The following WDR27 variants were observed in gnomAD, a reference collection of about 807,000 sequenced individuals.
The protein encoded by WDR27 is WD repeat-containing protein 27.
A neutral mutation model predicts 114.4 loss-of-function variants in WDR27; 100 were observed. The observed-to-expected ratio is 0.87, with a 90% CI of 0.74 to 1.03. The LOEUF (loss-of-function observed/expected upper bound fraction) is 1.03, where lower values mean the gene tolerates loss of function less well. WDR27 is among the 50% of genes least tolerant of loss of function. The pLI is 0.00. For missense variants in WDR27, 1,129 were observed against 1,092.9 expected (o/e 1.03, Z -0.47); for synonymous variants, 449 against 423.1 (o/e 1.06, Z -0.75).
intron 23 of WDR27, among the ~76,000 whole-genome samples, chr6:169,583,299 T>A (rs1443315836): frequency 1.8e-5 from 2 of 113,876 alleles, no homozygotes; most frequent in East Asian, 6.5e-4. Context: ...CCAAATTGAA[T>A]GGAAAAAAAA....
At chr6:169,536,642 C>T (rs1796227458) in intron 25 of WDR27, among the ~76,000 whole-genome samples, 1 of 152,112 alleles carries the variant, frequency 6.6e-6, no homozygotes, top group Non-Finnish European at 1.5e-5. Context: ...GCTCTTTAAG[C>T]CAAGAAGTTT....
At chr6:169,693,779 C>T (rs1399229699) in intron 1 of WDR27, among the ~76,000 whole-genome samples, 1 of 150,876 alleles carries the variant, frequency 6.6e-6, no homozygotes, top group African/African-American at 2.4e-5. Flanking sequence ...AGGATTAGTC[C>T]AATAGGAAAA....
rs1246454711 is a variant in WDR27 at position 169,647,852 on chromosome 6, C to G, written c.1578G>C (p.Glu526Asp). The G allele has an allele frequency of 6.4e-7, 1 of 1,571,146 alleles. No homozygotes were observed. Among genetic ancestry groups the G allele is most frequent in the Admixed American group, 1.9e-5 (1 of 53,266 alleles). ...GGCCGGGCTTGGTGGGCACAGCGCA[C>G]TCCACGGGGTATGCCTCCCTGAGGG... The part of the protein sequence containing the change: ...SSCAREAYPV[E>D]CAVPTKPGPQ... Residue 526 changes from glutamate to aspartate, a missense_variant, in exon 16 of 26, where the codon GAG becomes GAC. Glu to Asp is a conservative substitution (Grantham distance 45). Transcript: ENST00000448612.
intron 2 of WDR27, among the ~76,000 whole-genome samples, chr6:169,682,715 T>C (rs1175296631): frequency 6.6e-6 from 1 of 152,046 alleles, no homozygotes; most frequent in Non-Finnish European, 1.5e-5. Flanking sequence ...TATGACCCCA[T>C]CAAACAGACA....
intron 25 of WDR27, among the ~76,000 whole-genome samples, chr6:169,542,735 G>C (rs933866164): frequency 1.1e-4 from 17 of 151,932 alleles, no homozygotes; most frequent in Middle Eastern, 6.8e-3. Flanking sequence ...GGCATAAAGG[G>C]AATCATATTT....
chr6:169,664,584 C>T (rs1827254266), intron 7 of WDR27: 2 of 1,268,492 alleles, frequency 1.6e-6, no homozygotes, highest in Non-Finnish European at 1.0e-6. Flanking sequence ...GCCCCAGGCT[C>T]TCTGCACACA....
chr6:169,636,622 A>G, intron 18 of WDR27, 118 bp from the exon 19 acceptor site: 3 of 1,061,920 alleles, frequency 2.8e-6, no homozygotes, highest in Non-Finnish European at 2.6e-6. Context: ...AAATGTGTAC[A>G]TAAACTTTGT....
chr6:169,509,139 CAAAT>C (rs1351695692), intron 25 of WDR27, among the ~76,000 whole-genome samples: 1 of 152,144 alleles, frequency 6.6e-6, no homozygotes, highest in Non-Finnish European at 1.5e-5. Flanking sequence ...AGGATACAAA[CAAAT>C]GGAAGAACAT....
intron 25 of WDR27, chr6:169,558,606 T>A (rs1325959300): frequency 6.6e-6 from 1 of 152,078 alleles, no homozygotes. Flanking sequence ...GACGAGTCTC[T>A]GCAGTGTGCC....
At chr6:169,694,035 C>T (rs531038652) in intron 1 of WDR27, among the ~76,000 whole-genome samples, 14 of 152,246 alleles carry the variant, frequency 9.2e-5, no homozygotes, top group East Asian at 5.8e-4. Context: ...TCATGCCGGG[C>T]GCAGTGGCTC....
intron 9 of WDR27, 127 bp from the exon 10 acceptor site, chr6:169,660,893 G>T: frequency 2.6e-6 from 2 of 759,918 alleles, no homozygotes; most frequent in Non-Finnish European, 4.1e-6. Context: ...TGGGCCCCAC[G>T]TGCGCCCCCT....
intron 21 of WDR27, among the ~76,000 whole-genome samples, chr6:169,622,777 T>G (rs912542716): frequency 1.3e-5 from 2 of 152,202 alleles, no homozygotes; most frequent in Non-Finnish European, 2.9e-5. Context: ...ATTGCAAAAT[T>G]ACAACTGAGA....
chr6:169,499,366 G>C (rs1012262137), intron 25 of WDR27, among the ~76,000 whole-genome samples: 1 of 152,234 alleles, frequency 6.6e-6, no homozygotes. Context: ...TGTGATGACA[G>C]CATCTGGATG....
At chr6:169,483,595 C>T (rs961100872) in intron 25 of WDR27, among the ~76,000 whole-genome samples, 10 of 152,072 alleles carry the variant, frequency 6.6e-5, no homozygotes, top group Admixed American at 6.6e-4. Context: ...GAGCTGGTAC[C>T]ATTCCTACTA....
At chr6:169,701,499 T>C (rs1788041159) in intron 1 of WDR27, 52 bp downstream of exon 1, 1 of 152,640 alleles carries the variant, frequency 6.6e-6, no homozygotes, top group Non-Finnish European at 1.5e-5. Flanking sequence ...CTGAATCTTT[T>C]AAAGAGATCT....
At chr6:169,667,330 T>A in intron 5 of WDR27, 143 bp from the exon 6 acceptor site, 1 of 1,238,472 alleles carries the variant, frequency 8.1e-7, no homozygotes, top group Non-Finnish European at 1.0e-6. Flanking sequence ...AGCACAAAAA[T>A]AATAAAAATG....
chr6:169,600,404 C>T (rs777485320), intron 23 of WDR27, among the ~76,000 whole-genome samples: 3 of 152,158 alleles, frequency 2.0e-5, no homozygotes, highest in Admixed American at 6.6e-5. Flanking sequence ...AAAATCAGAG[C>T]ACCACTCCTC....
At chr6:169,607,893 T>C (rs1410004061) in intron 22 of WDR27, among the ~76,000 whole-genome samples, 1 of 152,204 alleles carries the variant, frequency 6.6e-6, no homozygotes, top group African/African-American at 2.4e-5. Context: ...ATGCCGGGGA[T>C]ACATTCCAAG....
rs572759346 is a variant in WDR27 at position 169,659,465 on chromosome 6, T to C, written c.1183A>G (p.Thr395Ala). ...TCAGGACTGACCTTTTGATCCGCAG[T>C]GCGGTTCCTCAGGGCACACGATCCG... The part of the protein sequence containing the change: ...LAGSCALRNR[T>A]ADQKVLCLLA... The change falls in exon 11 of 26, where the codon ACT becomes GCT. Residue 395 changes from threonine (T) to alanine (A), a missense_variant. Physicochemically the swap from Thr to Ala is moderately conservative, Grantham distance 58. Coordinates refer to ENST00000448612, the MANE Select transcript of WDR27 (RefSeq NM_182552.5). This position sits in a 1 kb window ranked among gnomAD's most constrained non-coding sequence, Gnocchi z 4.3. 5.8e-5 allele frequency: 94 copies of C among 1,609,476 alleles called. 1 individual carries two copies. The South Asian group carries it at 9.6e-4, about 16-fold the overall frequency.
Sources: gnomAD v4.1 joint callset for allele counts (sites outside exome capture counted in the v4.1 genomes callset) on GRCh38, gnomAD v4.1.1 for gene constraint, Gnocchi (gnomAD v3.1) non-coding constraint, MANE v1.5 for transcripts, NCBI Gene and HGNC (gene_info 2026-07-23, HGNC 2026-07-21) for gene names.